PRSS23: variants seen among roughly 807,000 people sequenced by gnomAD.
PRSS23 encodes protease, serine 23.
PRSS23 carries 25 observed loss-of-function variants against 34.7 expected under a neutral mutation model. The observed-to-expected ratio is 0.72, with a 90% confidence interval of 0.53 to 1.01. The LOEUF is 1.01. Among genes scored for constraint, PRSS23 ranks in the 50% least tolerant of loss-of-function variants. The pLI is 0.00. For missense variants in PRSS23, 445 were observed against 475.6 expected (o/e 0.94, Z 0.60); for synonymous variants, 176 against 186.6 (o/e 0.94, Z 0.46).
intron 2 of PRSS23, among the ~76,000 whole-genome samples, chr11:86,922,483 CAAAT>C (rs1467461951): frequency 6.6e-6 from 1 of 151,308 alleles, no homozygotes; most frequent in East Asian, 1.9e-4. Flanking sequence ...AAAAAATAAA[CAAAT>C]AAAAATAAAA....
intron 2 of PRSS23, among the ~76,000 whole-genome samples, chr11:86,884,589 A>G (rs2134964839): frequency 6.6e-6 from 1 of 152,304 alleles, no homozygotes; most frequent in East Asian, 1.9e-4. Context: ...GGCGTAAGCC[A>G]CCACACCCAG....
Position 86,899,545 on chromosome 11 carries a change from C to T in PRSS23, c.207-51671C>T, listed in dbSNP as rs563965083. On this transcript the variant is annotated intron_variant, in intron 2 of 2. Transcript: ENST00000533902. ...TTTTTTTTTTTTTGAGACAGAGTCT[C>T]GCTCTGTCACCCAGGCTGGCGTGCA... Among the ~76,000 whole-genome samples, 30 of 150,810 alleles carry T rather than the reference C, an allele frequency of 2.0e-4. 1 individual carries two copies. The highest frequency in any genetic ancestry group is 3.4e-4 in the African/African-American group (14 of 41,112).
chr11:86,915,982 G>A (rs1434025314), intron 2 of PRSS23, among the ~76,000 whole-genome samples: 3 of 151,202 alleles, frequency 2.0e-5, no homozygotes, highest in African/African-American at 7.3e-5. Context: ...TTGAACTCAG[G>A]AAGCAGAGGT....
At chr11:86,826,047 T>G (rs1393029070) in intron 2 of PRSS23, among the ~76,000 whole-genome samples, 2 of 152,328 alleles carry the variant, frequency 1.3e-5, no homozygotes, top group East Asian at 3.9e-4. Context: ...GGGGATGGCA[T>G]TGAATCTATA....
At chr11:86,917,904 T>G (rs1361877969) in intron 2 of PRSS23, among the ~76,000 whole-genome samples, 1 of 152,204 alleles carries the variant, frequency 6.6e-6, no homozygotes, top group Non-Finnish European at 1.5e-5. Flanking sequence ...GAAGACCTAA[T>G]TCCCTGGCCA....
rs759378833 is a variant in PRSS23 at position 86,808,995 on chromosome 11, A to G, written c.*200A>G. ...TGAAAACTGGTTTGTGTATCATATCATATATCATTTAAGCAGTTTGAAGGC... is the reference window on the plus strand; with the variant it reads ...TGAAAACTGGTTTGTGTATCATATCGTATATCATTTAAGCAGTTTGAAGGC... On this transcript the variant is annotated 3_prime_UTR_variant, in exon 2 of 2. Coordinates refer to ENST00000280258, the MANE Select transcript of PRSS23 (RefSeq NM_007173.6). The G allele has an allele frequency of 3.8e-5, 20 of 521,600 alleles. No homozygotes were observed. The highest frequency in any genetic ancestry group is 6.8e-5 in the Non-Finnish European group (20 of 293,172). The allele number at this position is 521,600 out of a possible 1,614,324, so 32.3% of individuals were successfully genotyped here. A position where few individuals can be genotyped will look rare whatever the true frequency, so the allele number is the denominator to read the frequency against.
chr11:86,844,184 AG>A (rs1948469458), intron 2 of PRSS23, among the ~76,000 whole-genome samples: 1 of 152,158 alleles, frequency 6.6e-6, no homozygotes, highest in African/African-American at 2.4e-5. Flanking sequence ...AAACACCACA[AG>A]TTCTCACTCA....
intron 2 of PRSS23, among the ~76,000 whole-genome samples, chr11:86,902,564 A>G (rs146028017): frequency 0.012 from 1,790 of 152,306 alleles, 41 homozygotes; most frequent in African/African-American, 0.041. Context: ...ACCAGATAAC[A>G]GCTAACAGGC....
chr11:86,942,072 C>T (rs1318359744), intron 2 of PRSS23, among the ~76,000 whole-genome samples: 1 of 152,142 alleles, frequency 6.6e-6, no homozygotes, highest in African/African-American at 2.4e-5. Context: ...GCTCAGGGAG[C>T]TCAGTTTAGT....
intron 2 of PRSS23, among the ~76,000 whole-genome samples, chr11:86,929,896 A>C (rs1949111927): frequency 6.6e-6 from 1 of 152,222 alleles, no homozygotes; most frequent in African/African-American, 2.4e-5. Flanking sequence ...GAAAACTGCC[A>C]AAACATAAAA....
chr11:86,923,363 C>T (rs12279709), intron 2 of PRSS23, among the ~76,000 whole-genome samples: 22 of 152,090 alleles, frequency 1.4e-4, no homozygotes, highest in Non-Finnish European at 2.8e-4. Flanking sequence ...AAGTGATCCT[C>T]CCACCTAAGC....
At chr11:86,923,666 T>A (rs1054384225) in intron 2 of PRSS23, among the ~76,000 whole-genome samples, 2 of 152,228 alleles carry the variant, frequency 1.3e-5, no homozygotes, top group Non-Finnish European at 2.9e-5. Flanking sequence ...GAAAACTGAT[T>A]AAGTTGCTAG....
rs756019537 is a variant in PRSS23, at chr11:86,807,788, G to A, written c.145G>A (p.Ala49Thr). The A allele has an allele frequency of 6.2e-7, 1 of 1,614,128 alleles. No individual in the cohort carries two copies. Among genetic ancestry groups the A allele is most frequent in the Admixed American group, 1.7e-5 (1 of 60,020 alleles). The change falls in exon 2 of 2, where the codon GCC becomes ACC. Residue 49 changes from alanine to threonine, a missense_variant. Transcript: ENST00000280258. ...CTTGCCCCAGTCTACCCTCAATTTA[G>A]CCAAGCCAGACTTTGGAGCCGAAGC... Reference protein sequence around the residue: ...VVLPQSTLNLAKPDFGAEAKL... With the variant: ...VVLPQSTLNLTKPDFGAEAKL...
chr11:86,854,069 C>T (rs1328042062), intron 2 of PRSS23, among the ~76,000 whole-genome samples: 2 of 152,120 alleles, frequency 1.3e-5, no homozygotes, highest in African/African-American at 2.4e-5. Context: ...GGCACGATCT[C>T]GGCTCACTGC....
At chr11:86,822,459 C>T (rs1378976652) in intron 1 of PRSS23, among the ~76,000 whole-genome samples, 1 of 151,802 alleles carries the variant, frequency 6.6e-6, no homozygotes, top group African/African-American at 2.4e-5. Flanking sequence ...CGTCTCAACA[C>T]AACATCGAAA....
At chr11:86,947,551 G>A (rs1043139783) in intron 2 of PRSS23, 5 of 152,246 alleles carry the variant, frequency 3.3e-5, no homozygotes, top group Non-Finnish European at 7.3e-5. Context: ...GAGTGCAGGT[G>A]AGACAGTGAC....
intron 2 of PRSS23, among the ~76,000 whole-genome samples, chr11:86,886,690 A>G (rs1009648104): frequency 2.0e-5 from 3 of 152,126 alleles, no homozygotes; most frequent in Non-Finnish European, 4.4e-5. Flanking sequence ...TGTAATCCCA[A>G]TACTTTGGGA....
chr11:86,909,398 T>C (rs1948963422), intron 2 of PRSS23: 1 of 152,268 alleles, frequency 6.6e-6, no homozygotes, highest in Non-Finnish European at 1.5e-5. Context: ...GTGAGCCACC[T>C]TGGAGTGGTG....
intron 2 of PRSS23, among the ~76,000 whole-genome samples, chr11:86,858,411 T>C (rs909238752): frequency 1.3e-5 from 2 of 150,512 alleles, no homozygotes; most frequent in African/African-American, 4.9e-5. Context: ...CCAATACCGA[T>C]GGGGGTGCAC....
Sources: gnomAD v4.1 joint callset for allele counts (sites outside exome capture counted in the v4.1 genomes callset) on GRCh38, gnomAD v4.1.1 for gene constraint, MANE v1.5 for transcripts, NCBI Gene and HGNC (gene_info 2026-07-23, HGNC 2026-07-21) for gene names.